BBS9: variants seen among roughly 807,000 people sequenced by gnomAD.
BBS9 encodes protein PTHB1.
BBS9 carries 89 observed loss-of-function variants against 117.7 expected under a neutral mutation model. The observed-to-expected ratio is 0.76, with a 90% CI of 0.64 to 0.90. The LOEUF is 0.90. BBS9 is among the 40% of genes least tolerant of loss of function. The pLI is 0.00. For synonymous variants in BBS9, 379 were observed against 370.9 expected (o/e 1.02, Z -0.25); for missense variants, 982 against 1,042.2 (o/e 0.94, Z 0.80).
At position 33,625,408 on chromosome 7, in the gene BBS9, T is replaced by C. The variant is rs539581941; in HGVS notation, c.2522-9769T>C. Reference sequence around the variant, plus strand: ...GAAGGTATTATTTCTGTTGTCCACATGAGGAAACTGCCAAGAAATTTGCCC... The same window carrying C: ...GAAGGTATTATTTCTGTTGTCCACACGAGGAAACTGCCAAGAAATTTGCCC... On this transcript the variant is annotated intron_variant, in intron 21 of 21. Transcript: ENST00000671952. Among the ~76,000 whole-genome samples the C allele has an allele frequency of 2.0e-5, 3 of 152,316 alleles. No individual in the cohort carries two copies. In the South Asian group the frequency reaches 6.2e-4, roughly 32 times the overall value.
intron 21 of BBS9, among the ~76,000 whole-genome samples, chr7:33,568,878 C>T (rs771321231): frequency 1.8e-4 from 28 of 151,928 alleles, no homozygotes; most frequent in Admixed American, 7.2e-4. Flanking sequence ...AGATTGGTTA[C>T]CTATAGGAAG....
chr7:33,435,444 T>C (rs903493298), intron 19 of BBS9, among the ~76,000 whole-genome samples: 7 of 152,144 alleles, frequency 4.6e-5, no homozygotes, highest in African/African-American at 1.7e-4. Context: ...AAATATCCCT[T>C]TTGTAGATGT....
intron 1 of BBS9, among the ~76,000 whole-genome samples, chr7:33,130,746 C>T (rs534013721): frequency 2.0e-5 from 3 of 150,684 alleles, no homozygotes; most frequent in Non-Finnish European, 4.4e-5. Context: ...AAAAAAAAAA[C>T]TAGAAAACCC....
intron 19 of BBS9, among the ~76,000 whole-genome samples, chr7:33,437,798 C>A (rs1461915436): frequency 6.6e-6 from 1 of 152,138 alleles, no homozygotes; most frequent in Non-Finnish European, 1.5e-5. Flanking sequence ...ATTGCTTGAA[C>A]CCGGGAGGCA....
chr7:33,325,058 A>G (rs1812562685), intron 9 of BBS9, among the ~76,000 whole-genome samples: 1 of 152,142 alleles, frequency 6.6e-6, no homozygotes, highest in Admixed American at 6.5e-5. Flanking sequence ...TCTTTGAATA[A>G]ACTTTCTACC....
intron 12 of BBS9, among the ~76,000 whole-genome samples, chr7:33,348,274 C>T (rs754558640): frequency 1.3e-5 from 2 of 152,018 alleles, no homozygotes; most frequent in Non-Finnish European, 2.9e-5. Context: ...GATTTTTTCA[C>T]TTAGCATCAT....
chr7:33,570,834 A>C (rs957994371), intron 21 of BBS9, among the ~76,000 whole-genome samples: 1 of 152,186 alleles, frequency 6.6e-6, no homozygotes, highest in Non-Finnish European at 1.5e-5. Context: ...AGACAACCCC[A>C]AGTTGACAAA....
At chr7:33,548,620 A>G (rs1481304467) in intron 21 of BBS9, among the ~76,000 whole-genome samples, 1 of 151,346 alleles carries the variant, frequency 6.6e-6, no homozygotes, top group Non-Finnish European at 1.5e-5. Context: ...TTCTTGCGAT[A>G]GTTTACCAAC....
intron 9 of BBS9, among the ~76,000 whole-genome samples, chr7:33,302,986 C>A (rs1274069029): frequency 5.3e-5 from 8 of 152,184 alleles, no homozygotes; most frequent in Admixed American, 3.9e-4. Context: ...AGATCTTTCA[C>A]TTCTTTGATT....
chr7:33,344,078 GTTTT>G (rs34530007), intron 11 of BBS9, among the ~76,000 whole-genome samples: 2 of 67,464 alleles, frequency 3.0e-5, no homozygotes, highest in African/African-American at 1.3e-4. Flanking sequence ...TAGGGGATGA[GTTTT>G]TTTTTTTTTT....
chr7:33,550,839 T>C (rs1022079390), intron 21 of BBS9, among the ~76,000 whole-genome samples: 7 of 152,208 alleles, frequency 4.6e-5, no homozygotes, highest in Non-Finnish European at 8.8e-5. Flanking sequence ...TAAACACCTT[T>C]AGTTGTATTT....
At chr7:33,631,907 C>G (rs1366911619) in intron 21 of BBS9, among the ~76,000 whole-genome samples, 1 of 152,156 alleles carries the variant, frequency 6.6e-6, no homozygotes, top group African/African-American at 2.4e-5. Context: ...TGGGATGTTC[C>G]AGTGAGCAAC....
intron 20 of BBS9, among the ~76,000 whole-genome samples, chr7:33,524,974 ACAT>A (rs1563302628): frequency 6.6e-6 from 1 of 152,212 alleles, no homozygotes; most frequent in Non-Finnish European, 1.5e-5. Flanking sequence ...GTTTCAAAGA[ACAT>A]CTTTATTTCT....
intron 19 of BBS9, among the ~76,000 whole-genome samples, chr7:33,432,453 G>A (rs1834653934): frequency 6.6e-6 from 1 of 152,124 alleles, no homozygotes; most frequent in South Asian, 2.1e-4. Context: ...ATTTTGCAGT[G>A]TAATTACATT....
Position 33,183,088 on chromosome 7 carries a change from A to C in BBS9, c.442+5497A>C, listed in dbSNP as rs1235258820. Among the ~76,000 whole-genome samples the C allele has an allele frequency of 2.0e-5, 3 of 152,348 alleles. No individual in the cohort carries two copies. The East Asian group carries it at 5.8e-4, about 29-fold the overall frequency. On this transcript the variant is annotated intron_variant, in intron 5 of 22. Coordinates refer to ENST00000242067, the MANE Select transcript of BBS9 (RefSeq NM_198428.3). ...TGTATTTCCTACCTAGTTATTACGC[A>C]TGAAATCTCTCGCATAATATGAAGT...
intron 21 of BBS9, among the ~76,000 whole-genome samples, chr7:33,553,495 T>G (rs1190896057): frequency 2.0e-5 from 3 of 152,214 alleles, no homozygotes; most frequent in Non-Finnish European, 4.4e-5. Flanking sequence ...CTTTGTTCAC[T>G]TTTCCTCTGT....
chr7:33,569,714 A>G (rs1313945722), intron 21 of BBS9, among the ~76,000 whole-genome samples: 4 of 152,200 alleles, frequency 2.6e-5, no homozygotes, highest in Non-Finnish European at 4.4e-5. Flanking sequence ...ATGAGCCGAG[A>G]TCGCGCCACT....
At chr7:33,184,097 C>CACAGAG (rs1554333529) in intron 5 of BBS9, among the ~76,000 whole-genome samples, 33 of 149,566 alleles carry the variant, frequency 2.2e-4, no homozygotes, top group East Asian at 9.9e-4. Flanking sequence ...AGTTTGCACA[C>CACAGAG]AGAGAGAGAG....
chr7:33,430,076 A>G (rs1000573923), intron 19 of BBS9, among the ~76,000 whole-genome samples: 2 of 152,176 alleles, frequency 1.3e-5, no homozygotes, highest in Admixed American at 6.5e-5. Context: ...TCCAACCTGG[A>G]CTACATGCTC....
Sources: allele counts gnomAD v4.1 joint callset (sites outside exome capture counted in the v4.1 genomes callset), GRCh38; gene constraint gnomAD v4.1.1; transcripts MANE v1.5; gene names NCBI Gene and HGNC (gene_info 2026-07-23, HGNC 2026-07-21).